The following FANK1 variants were observed in gnomAD, a reference collection of about 807,000 sequenced individuals.
The protein encoded by FANK1 is fibronectin type 3 and ankyrin repeat domains protein 1.
In FANK1, 44 loss-of-function variants were observed where a neutral mutation model predicts 45.3. That is an observed-to-expected ratio of 0.97 (90% CI 0.76 to 1.25). The LOEUF (loss-of-function observed/expected upper bound fraction) is 1.25, where lower values mean the gene tolerates loss of function less well. Ranked by LOEUF, FANK1 falls within the 50% of genes most tolerant of loss-of-function variation. The pLI is 0.00. For synonymous variants in FANK1, 149 were observed against 152.5 expected, an observed-to-expected ratio of 0.98 and a Z score of 0.17; for missense variants, 391 against 424.4, an observed-to-expected ratio of 0.92 and a Z score of 0.69.
chr10:125,997,543 C>CTTG (rs1452491918), intron 6 of FANK1, 58 bp downstream of exon 6: 1 of 1,531,130 alleles, frequency 6.5e-7, no homozygotes, highest in Non-Finnish European at 9.0e-7. Context: ...TGTTGCTAGG[C>CTTG]TTGTGCCCAG....
chr10:125,953,570 A>G (rs1467777047), intron 1 of FANK1, among the ~76,000 whole-genome samples: 1 of 152,148 alleles, frequency 6.6e-6, no homozygotes, highest in African/African-American at 2.4e-5. Context: ...TATGGTAACA[A>G]CCTGGATTCT....
chr10:125,898,749 T>C (rs1373706896), intron 1 of FANK1, among the ~76,000 whole-genome samples: 4 of 152,298 alleles, frequency 2.6e-5, no homozygotes, highest in African/African-American at 9.6e-5. Flanking sequence ...ACTATACATT[T>C]ATATCTCATG....
chr10:125,985,476 A>G (rs561890914), intron 2 of FANK1, among the ~76,000 whole-genome samples: 6 of 152,262 alleles, frequency 3.9e-5, no homozygotes, highest in South Asian at 4.2e-4. Flanking sequence ...CTGAATATTT[A>G]TCTTGGTTTT....
intron 1 of FANK1, among the ~76,000 whole-genome samples, chr10:125,918,585 A>AAAAAAAAAAAAAAAAACAT (rs1554913277): frequency 1.4e-5 from 1 of 70,976 alleles, no homozygotes; most frequent in Non-Finnish European, 2.3e-5. Context: ...AAAAAAAAAA[A>AAAAAAAAAAAAAAAAACAT]ATATATATAT....
chr10:125,982,799 C>G (rs1235216149), intron 2 of FANK1, among the ~76,000 whole-genome samples: 2 of 152,168 alleles, frequency 1.3e-5, no homozygotes, highest in Admixed American at 1.3e-4. Context: ...TGCTTTCCCT[C>G]TTTAGCTGCG....
chr10:125,953,070 C>T (rs1259046599), intron 1 of FANK1, among the ~76,000 whole-genome samples: 2 of 152,186 alleles, frequency 1.3e-5, no homozygotes, highest in Non-Finnish European at 2.9e-5. Flanking sequence ...ACCTGAAAGT[C>T]TGTTAACACG....
intron 2 of FANK1, chr10:125,980,572 T>C: frequency 2.2e-6 from 1 of 458,420 alleles, no homozygotes; most frequent in Non-Finnish European, 3.9e-6. Flanking sequence ...ATTTTAATGA[T>C]ATGTATTTAA....
At chr10:125,901,572 T>C (rs1308621838) in intron 1 of FANK1, among the ~76,000 whole-genome samples, 1 of 152,212 alleles carries the variant, frequency 6.6e-6, no homozygotes, top group Non-Finnish European at 1.5e-5. Context: ...TTCAAGCACA[T>C]TGGTCTTCTT....
At chr10:125,955,821 A>T (rs1407651795) in intron 1 of FANK1, among the ~76,000 whole-genome samples, 2 of 152,042 alleles carry the variant, frequency 1.3e-5, no homozygotes, top group African/African-American at 2.4e-5. Flanking sequence ...TGTATGCTTC[A>T]TCTCAAGTGA....
rs111692762 is a variant in FANK1 at position 125,918,058 on chromosome 10, C to T, written c.13+21403C>T. Among the ~76,000 whole-genome samples the T allele has an allele frequency of 8.8e-3, 1,208 of 137,510 alleles. 2 individuals are homozygous for T. Among genetic ancestry groups the T allele is most frequent in the African/African-American group, 0.029 (1,038 of 36,146 alleles). The allele number at this position is 137,510 out of a possible 152,430, so 90.2% of individuals were successfully genotyped here. A position where few individuals can be genotyped will look rare whatever the true frequency, so the allele number is the denominator to read the frequency against. ...TCATGCCACTGTACTCCAACCTGGG[C>T]GACAGAGTGAGACCCTGTCAGAAAA... is the stretch of plus-strand genomic sequence containing the variant. On this transcript the variant is annotated intron_variant, in intron 1 of 10. Coordinates refer to ENST00000368693, the MANE Select transcript of FANK1 (RefSeq NM_145235.5).
At chr10:126,008,973 C>T (rs1327971811) in intron 8 of FANK1, 81 bp from the exon 9 acceptor site, 2 of 1,353,154 alleles carry the variant, frequency 1.5e-6, no homozygotes, top group Non-Finnish European at 2.1e-6. Context: ...TGGGACCCTG[C>T]ATGTGCCAGG....
chr10:126,004,945 G>A lies in FANK1; in HGVS notation c.601G>A (p.Ala201Thr), dbSNP rs201402832. ...DVVKYLRRHG[A>T]SWQARDLGGC... ...TGTGAAATATCTCCGAAGACATGGC[G>A]CTTCTTGGCAGGCTAGAGACCTGGG... Residue 201 changes from alanine (A) to threonine (T), a missense_variant, in exon 7 of 11, where the codon GCT (alanine) becomes ACT (threonine). Ala to Thr is a moderately conservative substitution (Grantham distance 58). Coordinates refer to ENST00000368693, the MANE Select transcript of FANK1 (RefSeq NM_145235.5). The A allele has an allele frequency of 1.2e-5, 20 of 1,614,188 alleles. No individual in the cohort carries two copies. The highest frequency in any genetic ancestry group is 3.3e-4 in the Middle Eastern group (2 of 6,062).
chr10:125,945,368 C>G (rs530136132), intron 1 of FANK1, among the ~76,000 whole-genome samples: 1 of 152,184 alleles, frequency 6.6e-6, no homozygotes. Context: ...GAGTGCCAGA[C>G]AGTGGGCGCA....
chr10:125,982,097 A>C (rs1054262988), intron 2 of FANK1, among the ~76,000 whole-genome samples: 3 of 152,246 alleles, frequency 2.0e-5, no homozygotes, highest in Non-Finnish European at 4.4e-5. Flanking sequence ...TATTGAAGGT[A>C]TGCTTTTTCT....
intron 1 of FANK1, among the ~76,000 whole-genome samples, chr10:125,902,591 G>T (rs1297445879): frequency 1.3e-5 from 2 of 152,272 alleles, no homozygotes; most frequent in African/African-American, 4.8e-5. Context: ...ACTTATAAAT[G>T]TTAGGTCGAT....
intron 2 of FANK1, among the ~76,000 whole-genome samples, chr10:125,984,944 C>T (rs563950847): frequency 6.6e-6 from 1 of 152,356 alleles, no homozygotes; most frequent in South Asian, 2.1e-4. Context: ...TGAGTCCTCC[C>T]TGCGCCTGTG....
chr10:125,938,092 A>T (rs780782940), intron 1 of FANK1, among the ~76,000 whole-genome samples: 1 of 152,242 alleles, frequency 6.6e-6, no homozygotes, highest in Non-Finnish European at 1.5e-5. Flanking sequence ...CAGACCGTAA[A>T]GGCCTACTGA....
chr10:125,986,861 T>A (rs1190383057), intron 2 of FANK1, among the ~76,000 whole-genome samples: 1 of 152,202 alleles, frequency 6.6e-6, no homozygotes, highest in Non-Finnish European at 1.5e-5. Flanking sequence ...ACCTTCTGGC[T>A]TCTCCTTTGG....
intron 1 of FANK1, among the ~76,000 whole-genome samples, chr10:125,944,987 C>T (rs536663158): frequency 5.6e-4 from 86 of 152,272 alleles, no homozygotes; most frequent in Non-Finnish European, 9.6e-4. Flanking sequence ...TCTCCCCAAC[C>T]GAGCTTGTCT....
Sources: allele counts gnomAD v4.1 joint callset (sites outside exome capture counted in the v4.1 genomes callset), GRCh38; gene constraint gnomAD v4.1.1; transcripts MANE v1.5; gene names NCBI Gene and HGNC (gene_info 2026-07-23, HGNC 2026-07-21).